The following FAT3 variants were observed in gnomAD, a reference collection of about 807,000 sequenced individuals.
FAT3 encodes the protein FAT atypical cadherin 3, also known as protocadherin Fat 3.
FAT3 carries 95 observed loss-of-function variants against 310.2 expected under a neutral mutation model. That is an observed-to-expected ratio of 0.31 (90% CI 0.26 to 0.36). FAT3 has a LOEUF of 0.36. Ranked by LOEUF, FAT3 falls within the 10% of genes least tolerant of loss-of-function variation. The probability of loss-of-function intolerance (pLI) is 1.00; values close to 1 mark genes in which losing one functional copy is unlikely to be tolerated. For missense variants in FAT3, 5,408 were observed against 5,715.6 expected (o/e 0.95, Z 1.74); for synonymous variants, 2,314 against 2,192.9 (o/e 1.06, Z -1.54).
intron 1 of FAT3, among the ~76,000 whole-genome samples, chr11:92,267,653 A>G (rs1210009888): frequency 6.6e-6 from 1 of 152,144 alleles, no homozygotes. Context: ...TCCATTTTTT[A>G]TATCCTCTGA....
chr11:92,867,349 A>C (rs1565663643), intron 22 of FAT3, 140 bp downstream of exon 22: 1 of 919,908 alleles, frequency 1.1e-6, no homozygotes, highest in East Asian at 2.7e-5. Context: ...CAACCTTCTT[A>C]ATCTGCTTTA....
intron 7 of FAT3, among the ~76,000 whole-genome samples, chr11:92,784,427 A>G (rs1946834532): frequency 6.6e-6 from 1 of 152,194 alleles, no homozygotes; most frequent in South Asian, 2.1e-4. Flanking sequence ...CTAATAAAAG[A>G]CAGTGCCTTC....
chr11:92,488,553 G>A (rs1952504755), intron 2 of FAT3, among the ~76,000 whole-genome samples: 1 of 144,436 alleles, frequency 6.9e-6, no homozygotes, highest in African/African-American at 2.6e-5. Flanking sequence ...GATGCTACTG[G>A]TCCAGGGACC....
chr11:92,787,235 T>C (rs1198413526), intron 7 of FAT3, among the ~76,000 whole-genome samples: 1 of 151,848 alleles, frequency 6.6e-6, no homozygotes, highest in African/African-American at 2.4e-5. Flanking sequence ...AGTATGTTTA[T>C]ATTAACAGAA....
At chr11:92,703,756 A>AAGTACTAAG (rs1446294598) in intron 4 of FAT3, among the ~76,000 whole-genome samples, 2 of 152,258 alleles carry the variant, frequency 1.3e-5, no homozygotes, top group African/African-American at 4.8e-5. Flanking sequence ...GCATTGGGCC[A>AAGTACTAAG]AGTACTAAGG....
chr11:92,806,110 T>C (rs1017810443), intron 11 of FAT3, among the ~76,000 whole-genome samples: 7 of 152,206 alleles, frequency 4.6e-5, no homozygotes, highest in Non-Finnish European at 1.0e-4. Flanking sequence ...GCCGTGGTAC[T>C]CTTAGTGCTT....
intron 19 of FAT3, among the ~76,000 whole-genome samples, chr11:92,850,398 C>T (rs1456461536): frequency 6.6e-6 from 1 of 152,138 alleles, no homozygotes; most frequent in Non-Finnish European, 1.5e-5. Context: ...ACAGCTGCCC[C>T]AGAGAGGAGG....
At chr11:92,358,894 G>A (rs1948805110) in intron 2 of FAT3, among the ~76,000 whole-genome samples, 1 of 152,172 alleles carries the variant, frequency 6.6e-6, no homozygotes, top group South Asian at 2.1e-4. Flanking sequence ...AGACTCTGTT[G>A]TCTTTATTTA....
chr11:92,339,727 A>T (rs1166075044), intron 1 of FAT3, among the ~76,000 whole-genome samples: 1 of 152,032 alleles, frequency 6.6e-6, no homozygotes, highest in Non-Finnish European at 1.5e-5. Flanking sequence ...GAACTTGGGA[A>T]ATGTGCAGAC....
chr11:92,495,727 A>G (rs1490695733), intron 2 of FAT3, among the ~76,000 whole-genome samples: 2 of 152,082 alleles, frequency 1.3e-5, no homozygotes, highest in African/African-American at 4.8e-5. Flanking sequence ...CACCCATCCA[A>G]CTCCAGTGAT....
chr11:92,435,256 G>A (rs1950899458), intron 2 of FAT3, among the ~76,000 whole-genome samples: 1 of 152,124 alleles, frequency 6.6e-6, no homozygotes, highest in Non-Finnish European at 1.5e-5. Context: ...ATTCAGGGAT[G>A]TCTGCCAGAG....
At chr11:92,381,160 A>T (rs539020273) in intron 2 of FAT3, among the ~76,000 whole-genome samples, 5 of 152,318 alleles carry the variant, frequency 3.3e-5, no homozygotes, top group Admixed American at 6.5e-5. Context: ...ATTTATCCAG[A>T]TGTTAAAAGA....
intron 4 of FAT3, among the ~76,000 whole-genome samples, chr11:92,754,972 C>A (rs1945949470): frequency 6.6e-6 from 1 of 152,040 alleles, no homozygotes; most frequent in African/African-American, 2.4e-5. Context: ...AAGATAAATG[C>A]CACATGATCT....
rs2136350485 is a variant in FAT3 at position 92,867,010 on chromosome 11, G to C, written c.11928G>C (p.Thr3976=). The C allele has an allele frequency of 1.2e-6, 2 of 1,600,858 alleles. No homozygotes were observed. The highest frequency in any genetic ancestry group is 1.7e-6 in the Non-Finnish European group (2 of 1,173,802). Residue 3976 remains threonine, a synonymous_variant, in exon 22 of 28, where the codon ACG becomes ACC. Coordinates refer to ENST00000525166, the MANE Select transcript of FAT3 (RefSeq NM_001367949.2). ...GCAGCCTGACTGACACGCGGGTCAC[G>C]CAGGTGCTCAGCGGCTTCCAGGGCT... ...NIRSLTDTRV[T]QVLSGFQGCL... is the part of the protein sequence containing the mutation.
At chr11:92,343,082 A>G (rs957744063) in intron 1 of FAT3, among the ~76,000 whole-genome samples, 1 of 152,182 alleles carries the variant, frequency 6.6e-6, no homozygotes, top group Non-Finnish European at 1.5e-5. Context: ...GGGAGAAAAT[A>G]AAGGAGGGTA....
At chr11:92,366,544 G>T in intron 2 of FAT3, 1 of 494,428 alleles carries the variant, frequency 2.0e-6, no homozygotes, top group Non-Finnish European at 4.1e-6. Flanking sequence ...TGGCTTTACC[G>T]ATCATCCCCC....
chr11:92,393,921 G>T (rs1304022769), intron 2 of FAT3, among the ~76,000 whole-genome samples: 1 of 152,124 alleles, frequency 6.6e-6, no homozygotes, highest in Non-Finnish European at 1.5e-5. Flanking sequence ...AATATCTCAA[G>T]AATTGCTCTT....
chr11:92,473,380 CTTA>C (rs1424555223), intron 2 of FAT3, among the ~76,000 whole-genome samples: 1 of 152,108 alleles, frequency 6.6e-6, no homozygotes, highest in African/African-American at 2.4e-5. Flanking sequence ...CAGCCACCAT[CTTA>C]TTATATTTTC....
At chr11:92,512,952 C>A (rs1345941431) in intron 2 of FAT3, among the ~76,000 whole-genome samples, 4 of 72,134 alleles carry the variant, frequency 5.5e-5, no homozygotes, top group Non-Finnish European at 5.3e-5. Context: ...GAAACCCCGT[C>A]TCTACTAAAA....
Sources: allele counts gnomAD v4.1 joint callset (sites outside exome capture counted in the v4.1 genomes callset), GRCh38; gene constraint gnomAD v4.1.1; transcripts MANE v1.5; gene names NCBI Gene and HGNC (gene_info 2026-07-23, HGNC 2026-07-21).